TBC1D13: variants seen among roughly 807,000 people sequenced by gnomAD.
TBC1D13 encodes TBC1 domain family member 13, also known as epididymis secretory sperm binding protein.
A neutral mutation model predicts 53.6 loss-of-function variants in TBC1D13; 40 were observed. The observed-to-expected ratio is 0.75, with a 90% CI of 0.58 to 0.97. The LOEUF is 0.97. TBC1D13 is among the 50% of genes least tolerant of loss of function. The pLI, the probability that TBC1D13 is intolerant of heterozygous loss-of-function variation, is 0.00. For missense variants in TBC1D13, 377 were observed against 499.4 expected, an observed-to-expected ratio of 0.75 and a Z score of 2.34; for synonymous variants, 182 against 197.7, an observed-to-expected ratio of 0.92 and a Z score of 0.67.
chr9:128,802,222 AT>A (rs571678615), intron 7 of TBC1D13, among the ~76,000 whole-genome samples: 2,754 of 139,080 alleles, frequency 0.02, 37 homozygotes, highest in Admixed American at 0.054. Context: ...CGCCTGGCTA[AT>A]TTTTTTGTAT....
chr9:128,795,663 T>G (rs4837312), intron 6 of TBC1D13, among the ~76,000 whole-genome samples: 145,135 of 152,058 alleles, frequency 0.95, 69,276 homozygotes, highest in Non-Finnish European at 0.96. Flanking sequence ...GGTTTCACCG[T>G]GTTAGCCAGG....
intron 6 of TBC1D13, 119 bp downstream of exon 6, chr9:128,792,693 AT>A (rs1829556960): frequency 2.2e-6 from 2 of 906,876 alleles, no homozygotes; most frequent in Admixed American, 4.4e-5. Context: ...CTGCTGGTGG[AT>A]TGTCCCAGCG....
chr9:128,797,616 T>A (rs2132541300), intron 7 of TBC1D13, among the ~76,000 whole-genome samples: 1 of 151,590 alleles, frequency 6.6e-6, no homozygotes, highest in East Asian at 2.0e-4. Context: ...CAGCCTGGGC[T>A]ACATGGTGAA....
chr9:128,801,562 C>G (rs1829734003), intron 7 of TBC1D13, among the ~76,000 whole-genome samples: 1 of 151,774 alleles, frequency 6.6e-6, no homozygotes, highest in Non-Finnish European at 1.5e-5. Flanking sequence ...GCCTGTACTC[C>G]CAGCTACTCA....
In TBC1D13 at chr9:128,796,020, A is replaced by G. The variant is rs559659559; in HGVS notation, c.384-1035A>G. On this transcript the variant is annotated intron_variant, in intron 6 of 11. Coordinates refer to ENST00000372648, the MANE Select transcript of TBC1D13 (RefSeq NM_018201.5). ...AAATACACATAAAATGTGGGCATGT[A>G]TACATATACAATGACTACAGCTTTT... 4.6e-5 allele frequency among the ~76,000 whole-genome samples: 7 copies of G among 152,382 alleles called. No individual in the cohort carries two copies. In the South Asian group the frequency reaches 1.0e-3, roughly 23 times the overall value.
At position 128,806,008 on chromosome 9, in the gene TBC1D13, C is replaced by G; in HGVS notation, c.1068C>G (p.Cys356Trp). 1 of 1,614,030 alleles carries G rather than the reference C, an allele frequency of 6.2e-7. No homozygotes were observed. Among genetic ancestry groups the G allele is most frequent in the Non-Finnish European group, 8.5e-7 (1 of 1,179,964 alleles). The change falls in exon 10 of 12, where the codon TGC becomes TGG. Residue 356 changes from cysteine (C) to tryptophan (W), a missense_variant. By Grantham distance (215) the Cys-to-Trp change is radical. Transcript: ENST00000372648. ...TTGACTTCCTCCTCCTCGTCTGCTG[C>G]GCCATGCTCATGTGAGTGCGGGCAT... ...NRFDFLLLVC[C>W]AMLMLIREQL...
chr9:128,804,072 G>A lies in TBC1D13; in HGVS notation c.871G>A (p.Val291Ile). 6.2e-7 allele frequency: 1 copy of A among 1,614,092 alleles called. No homozygotes were observed. Among genetic ancestry groups the A allele is most frequent in the South Asian group, 1.1e-5 (1 of 91,076 alleles). ...TGGCATCACCTACAAGATGGAGAAG[G>A]TTTACTCCACCTTGAAAGATAAGGA... ...QCGITYKMEK[V>I]YSTLKDKDVE... Residue 291 changes from valine (V) to isoleucine (I), a missense_variant, in exon 9 of 12, where the codon GTT becomes ATT. By Grantham distance (29) the Val-to-Ile change is conservative. Transcript: ENST00000372648.
At chr9:128,800,146 A>G (rs1215643733) in intron 7 of TBC1D13, among the ~76,000 whole-genome samples, 2 of 152,212 alleles carry the variant, frequency 1.3e-5, no homozygotes, top group Non-Finnish European at 2.9e-5. Context: ...TAATGTCTCC[A>G]GGACCCTATG....
chr9:128,791,660 T>G lies in TBC1D13; in HGVS notation c.267T>G (p.Gly89=). Residue 89 remains glycine, a synonymous_variant, in exon 5 of 12, where the codon GGT becomes GGG. Transcript: ENST00000372648. Reference sequence around the variant, plus strand: ...CTGGCATTGCCAAGGCCAACATGGGTGTGTCCAGGGAGGATGTGACTTTTG... The same window carrying G: ...CTGGCATTGCCAAGGCCAACATGGGGGTGTCCAGGGAGGATGTGACTTTTG... ...IQPGIAKANM[G]VSREDVTFED... is the part of the protein sequence containing the mutation. The G allele has an allele frequency of 6.2e-7, 1 of 1,614,140 alleles. No individual in the cohort carries two copies. Among genetic ancestry groups the G allele is most frequent in the Non-Finnish European group, 8.5e-7 (1 of 1,180,016 alleles).
At position 128,805,980 on chromosome 9, in the gene TBC1D13, G is replaced by T; in HGVS notation, c.1040G>T (p.Arg347Leu). Residue 347 changes from arginine to leucine, a missense_variant, in exon 10 of 12, where the codon CGC becomes CTC. Physicochemically the swap from Arg to Leu is moderately radical, Grantham distance 102 (BLOSUM62 -2). Coordinates refer to ENST00000372648, the MANE Select transcript of TBC1D13 (RefSeq NM_018201.5). ...IWDSLFADDN[R>L]FDFLLLVCCA... ...GACTCCCTCTTCGCCGATGACAACC[G>T]CTTTGACTTCCTCCTCCTCGTCTGC... 6.2e-7 allele frequency: 1 copy of T among 1,614,196 alleles called. No homozygotes were observed. The highest frequency in any genetic ancestry group is 8.5e-7 in the Non-Finnish European group (1 of 1,180,044).
rs1360112314 is a variant in TBC1D13 at position 128,792,584 on chromosome 9, G to C, written c.383+10G>C. Reference sequence around the variant, plus strand: ...TCGACAAAGATGTCCGGTAGGCAGGGTGCCTGGGGCCGGGAGCTGGCCCAT... The same window carrying C: ...TCGACAAAGATGTCCGGTAGGCAGGCTGCCTGGGGCCGGGAGCTGGCCCAT... On this transcript the variant is annotated intron_variant, in intron 6 of 11. Transcript: ENST00000372648. 2 of 1,613,480 alleles carry C rather than the reference G, an allele frequency of 1.2e-6. No homozygotes were observed. The highest frequency in any genetic ancestry group is 2.2e-5 in the East Asian group (1 of 44,854).
intron 9 of TBC1D13, among the ~76,000 whole-genome samples, chr9:128,804,732 T>TGTTG (rs765819199): frequency 5.6e-5 from 6 of 107,018 alleles, no homozygotes; most frequent in South Asian, 3.6e-4. Context: ...TTTTTTTTTT[T>TGTTG]TTTTTTTTTT....
chr9:128,798,741 T>C (rs993184206), intron 7 of TBC1D13, among the ~76,000 whole-genome samples: 1 of 152,230 alleles, frequency 6.6e-6, no homozygotes, highest in Non-Finnish European at 1.5e-5. Context: ...TCTGGAATAG[T>C]GGCTTGTTCC....
chr9:128,791,501 G>C lies in TBC1D13; in HGVS notation c.200+60G>C, dbSNP rs185222652. The C allele has an allele frequency of 1.1e-5, 18 of 1,607,120 alleles. No homozygotes were observed. In the South Asian group the frequency reaches 1.5e-4, roughly 14 times the overall value. On this transcript the variant is annotated intron_variant, in intron 4 of 11. Transcript: ENST00000372648. ...CCTTGCATGTGACAGAGCCAGTACC[G>C]CTGGGGCCGCCCTGCCTCCTGCGGC...
chr9:128,799,701 A>G (rs781630481), intron 7 of TBC1D13, among the ~76,000 whole-genome samples: 12 of 152,196 alleles, frequency 7.9e-5, no homozygotes, highest in Non-Finnish European at 1.8e-4. Flanking sequence ...ATGGAGGAAT[A>G]CCTGTACAGC....
In TBC1D13 at chr9:128,805,890, C is replaced by T. The variant is rs752644496; in HGVS notation, c.950C>T (p.Ala317Val). 1 of 1,613,922 alleles carries T rather than the reference C, an allele frequency of 6.2e-7. No individual in the cohort carries two copies. Among genetic ancestry groups the T allele is most frequent in the East Asian group, 2.2e-5 (1 of 44,902 alleles). ...CAGAACATCAAGCCTCAGTTCTTTG[C>T]CTTCCGCTGGCTGACACTGCTGCTG... ...QEQNIKPQFF[A>V]FRWLTLLLSQ... is the part of the protein sequence containing the mutation. Residue 317 changes from alanine (A) to valine (V), a missense_variant, in exon 10 of 12, where the codon GCC becomes GTC. Coordinates refer to ENST00000372648, the MANE Select transcript of TBC1D13 (RefSeq NM_018201.5).
At chr9:128,801,511 C>T (rs140170105) in intron 7 of TBC1D13, among the ~76,000 whole-genome samples, 3,038 of 152,054 alleles carry the variant, frequency 0.02, 109 homozygotes, top group African/African-American at 0.069. Flanking sequence ...AACTCTGTCT[C>T]TACTAAAAAT....
At chr9:128,795,621 CA>C (rs1337750162) in intron 6 of TBC1D13, among the ~76,000 whole-genome samples, 1 of 151,998 alleles carries the variant, frequency 6.6e-6, no homozygotes, top group Non-Finnish European at 1.5e-5. Context: ...ACACCACACC[CA>C]GCTAATTTTT....
intron 7 of TBC1D13, among the ~76,000 whole-genome samples, chr9:128,800,267 C>G (rs1016214729): frequency 6.6e-6 from 1 of 151,792 alleles, no homozygotes; most frequent in Non-Finnish European, 1.5e-5. Flanking sequence ...ACTTGATTTA[C>G]AAAGTTCCCA....
Sources: allele counts gnomAD v4.1 joint callset (sites outside exome capture counted in the v4.1 genomes callset), GRCh38; gene constraint gnomAD v4.1.1; transcripts MANE v1.5; gene names NCBI Gene and HGNC (gene_info 2026-07-23, HGNC 2026-07-21).